The following TMIGD3 variants were observed in gnomAD, a reference collection of about 807,000 sequenced individuals.
The protein encoded by TMIGD3 is transmembrane and immunoglobulin domain containing 3.
Under a neutral mutation model 28.1 loss-of-function variants are expected in TMIGD3, and 21 were observed. The ratio of observed to expected loss-of-function variants is 0.75; its 90% CI spans 0.53 to 1.08. The LOEUF (loss-of-function observed/expected upper bound fraction) is 1.08. Ranked by LOEUF, TMIGD3 falls within the 50% of genes least tolerant of loss-of-function variation. The pLI is 0.00. For missense variants in TMIGD3, 416 were observed against 435.6 expected, an observed-to-expected ratio of 0.96 and a Z score of 0.40; for synonymous variants, 151 against 162.1, an observed-to-expected ratio of 0.93 and a Z score of 0.52.
chr1:111,548,067 C>T (rs1008588824), intron 1 of TMIGD3, among the ~76,000 whole-genome samples: 2 of 152,232 alleles, frequency 1.3e-5, no homozygotes, highest in Non-Finnish European at 2.9e-5. Context: ...GTTGCCCAGG[C>T]TGGTGTGCAG....
chr1:111,483,593 G>A lies in TMIGD3; in HGVS notation c.*94C>T, dbSNP rs1654220428. The A allele has an allele frequency of 9.5e-7, 1 of 1,051,360 alleles. No individual in the cohort carries two copies. The highest frequency in any genetic ancestry group is 1.5e-6 in the Non-Finnish European group (1 of 688,158). The allele number at this position is 1,051,360 out of a possible 1,614,324, so 65.1% of individuals were successfully genotyped here. A position where few individuals can be genotyped will look rare whatever the true frequency, so the allele number is the denominator to read the frequency against. ...ATAGAGGGTCCTTCAGAATTCCTGGGAGATCAGAATCAGTCTCTGAGGTGT... is the reference window on the plus strand; with the variant it reads ...ATAGAGGGTCCTTCAGAATTCCTGGAAGATCAGAATCAGTCTCTGAGGTGT... On this transcript the variant is annotated 3_prime_UTR_variant, in exon 6 of 6. Coordinates refer to ENST00000369716, the MANE Select transcript of TMIGD3 (RefSeq NM_020683.7).
At chr1:111,520,703 A>G (rs1410763367) in intron 1 of TMIGD3, among the ~76,000 whole-genome samples, 1 of 152,256 alleles carries the variant, frequency 6.6e-6, no homozygotes, top group African/African-American at 2.4e-5. Flanking sequence ...TCATGACCAC[A>G]TTGCATTTTC....
At chr1:111,507,039 G>GTATA (rs59345912), upstream of TMIGD3, among the ~76,000 whole-genome samples, 1 of 126,138 alleles carries the variant, frequency 7.9e-6, no homozygotes, top group African/African-American at 3.0e-5. Flanking sequence ...GTGTGTGTGT[G>GTATA]TATATATATA....
Position 111,539,980 on chromosome 1 carries a change from C to T in TMIGD3, c.107+23866G>A, listed in dbSNP as rs139086765. Among the ~76,000 whole-genome samples the T allele has an allele frequency of 9.9e-3, 1,504 of 152,280 alleles. 15 individuals are homozygous for T. Among genetic ancestry groups the T allele is most frequent in the Middle Eastern group, 0.017 (5 of 294 alleles). On this transcript the variant is annotated intron_variant, in intron 1 of 5. Coordinates refer to the TMIGD3 transcript ENST00000369717. ...AGATGAAGAGGAAGAAATCTAGGTACCTAGCTTTAGAAACTTAGCGATGCA... is the reference window on the plus strand; with the variant it reads ...AGATGAAGAGGAAGAAATCTAGGTATCTAGCTTTAGAAACTTAGCGATGCA...
intron 1 of TMIGD3, among the ~76,000 whole-genome samples, chr1:111,494,383 T>C (rs1654796840): frequency 6.6e-6 from 1 of 152,160 alleles, no homozygotes; most frequent in Non-Finnish European, 1.5e-5. Context: ...ACAAAATCAA[T>C]GTGTAAAAAT....
chr1:111,497,139 G>C (rs896574883), intron 1 of TMIGD3, among the ~76,000 whole-genome samples: 4 of 152,068 alleles, frequency 2.6e-5, no homozygotes, highest in African/African-American at 4.8e-5. Context: ...GAGACGGAGT[G>C]TCGTTCTGTC....
chr1:111,505,124 CAAAAAAAAAAAA>C (rs754473063), upstream of TMIGD3: 832 of 103,278 alleles, frequency 8.1e-3, no homozygotes, highest in South Asian at 0.019. Flanking sequence ...AGCACTCTGC[CAAAAAAAAAAAA>C]AAAAAAAAAA....
upstream of TMIGD3, chr1:111,504,203 G>A: frequency 1.1e-6 from 1 of 877,442 alleles, no homozygotes; most frequent in Non-Finnish European, 1.4e-6. Flanking sequence ...CACCTGCTTA[G>A]CCTCCACCTC....
At chr1:111,561,882 G>C (rs370704256) in intron 1 of TMIGD3, among the ~76,000 whole-genome samples, 1 of 151,876 alleles carries the variant, frequency 6.6e-6, no homozygotes, top group Non-Finnish European at 1.5e-5. Flanking sequence ...TTTTTGGCCC[G>C]GACTTTTTCA....
At chr1:111,554,116 A>T (rs1419626225) in intron 1 of TMIGD3, among the ~76,000 whole-genome samples, 2 of 152,250 alleles carry the variant, frequency 1.3e-5, no homozygotes, top group African/African-American at 4.8e-5. Context: ...TGGGCTTATT[A>T]CTTAACTTCC....
At chr1:111,520,762 T>C (rs1656030795) in intron 1 of TMIGD3, among the ~76,000 whole-genome samples, 1 of 152,228 alleles carries the variant, frequency 6.6e-6, no homozygotes, top group Non-Finnish European at 1.5e-5. Flanking sequence ...TACATAGCAA[T>C]GGTATTTTTG....
chr1:111,507,059 A>G (rs1319686937), upstream of TMIGD3, among the ~76,000 whole-genome samples: 2 of 129,480 alleles, frequency 1.5e-5, no homozygotes, highest in African/African-American at 2.9e-5. Flanking sequence ...ATATATATAT[A>G]TGTTAACTGT....
In TMIGD3 at chr1:111,545,995, G is replaced by A. The variant is rs559514061; in HGVS notation, c.107+17851C>T. Among the ~76,000 whole-genome samples, 3 of 152,202 alleles carry A rather than the reference G, an allele frequency of 2.0e-5. No homozygotes were observed. In the South Asian group the frequency reaches 6.2e-4, roughly 32 times the overall value. On this transcript the variant is annotated intron_variant, in intron 1 of 5. Transcript: ENST00000369717. Reference sequence around the variant, plus strand: ...TTAGTCTATATGTCTAGCCTTATGCGAGTACCATACCCTTTAGAATACTGT... The same window carrying A: ...TTAGTCTATATGTCTAGCCTTATGCAAGTACCATACCCTTTAGAATACTGT...
At chr1:111,519,407 G>C (rs947888895) in intron 1 of TMIGD3, among the ~76,000 whole-genome samples, 3 of 152,268 alleles carry the variant, frequency 2.0e-5, no homozygotes, top group Admixed American at 6.5e-5. Context: ...TTGTTTAAAA[G>C]AGCTGAGGGC....
At chr1:111,507,986 A>C (rs1311858588), upstream of TMIGD3, among the ~76,000 whole-genome samples, 1 of 152,140 alleles carries the variant, frequency 6.6e-6, no homozygotes, top group Non-Finnish European at 1.5e-5. Context: ...GGGCCTTCTA[A>C]CCAGGGCCCA....
chr1:111,483,849 T>C, intron 5 of TMIGD3, 92 bp from the exon 6 acceptor site: 1 of 1,009,106 alleles, frequency 9.9e-7, no homozygotes, highest in Non-Finnish European at 1.6e-6. Flanking sequence ...AACTCTGTCA[T>C]GGGGCTTTCA....
chr1:111,520,634 A>C (rs978069868), intron 1 of TMIGD3, among the ~76,000 whole-genome samples: 1 of 152,246 alleles, frequency 6.6e-6, no homozygotes, highest in Non-Finnish European at 1.5e-5. Flanking sequence ...ATCTGAAAAC[A>C]GTGTTTTTCA....
At chr1:111,496,019 G>A (rs1444718368) in intron 1 of TMIGD3, among the ~76,000 whole-genome samples, 1 of 152,206 alleles carries the variant, frequency 6.6e-6, no homozygotes, top group African/African-American at 2.4e-5. Flanking sequence ...TGGAGTGTGG[G>A]AGAAGGTAGA....
upstream of TMIGD3, chr1:111,504,880 A>G: frequency 1.0e-6 from 1 of 985,296 alleles, no homozygotes; most frequent in Non-Finnish European, 1.2e-6. Context: ...TCCCCGCCAG[A>G]CTTGTCATTT....
Sources: allele counts gnomAD v4.1 joint callset (sites outside exome capture counted in the v4.1 genomes callset), GRCh38; gene constraint gnomAD v4.1.1; transcripts MANE v1.5; gene names NCBI Gene and HGNC (gene_info 2026-07-23, HGNC 2026-07-21).